PPAT: variants seen among roughly 807,000 people sequenced by gnomAD.
The protein encoded by PPAT is amidophosphoribosyltransferase.
In PPAT, 20 loss-of-function variants were observed where a neutral mutation model predicts 60.2. That is an observed-to-expected ratio of 0.33 (90% CI 0.23 to 0.48). The LOEUF is 0.48. Among genes scored for constraint, PPAT ranks in the 20% least tolerant of loss-of-function variants. The pLI, the probability that PPAT is intolerant of heterozygous loss-of-function variation, is 0.99. For synonymous variants in PPAT, 194 were observed against 215.1 expected, an observed-to-expected ratio of 0.90 and a Z score of 0.86; for missense variants, 349 against 629.6, an observed-to-expected ratio of 0.55 and a Z score of 4.77.
rs969141722 is a variant in PPAT, at chr4:56,409,795, T to G, written c.129-2079A>C. Among the ~76,000 whole-genome samples the G allele has an allele frequency of 3.3e-5, 5 of 152,230 alleles. No individual in the cohort carries two copies. The East Asian group carries it at 9.6e-4, about 29-fold the overall frequency. On this transcript the variant is annotated intron_variant, in intron 1 of 10. Coordinates refer to ENST00000264220, the MANE Select transcript of PPAT (RefSeq NM_002703.5). ...CCTCTTCCATATGTGCCTGTAGACT[T>G]TAGTAGCTGTTAATACATTGATTTA... is the stretch of plus-strand genomic sequence containing the variant.
chr4:56,400,928 A>C lies in PPAT; in HGVS notation c.887-17T>G. On this transcript the variant is annotated splice_polypyrimidine_tract_variant and intron_variant, in intron 7 of 10. Coordinates refer to ENST00000264220, the MANE Select transcript of PPAT (RefSeq NM_002703.5). ...CCATTTGGTCTGGTGTGTTTGGAAA[A>C]GGAGAGAGAGTATTTTTACTTAGCA... The C allele has an allele frequency of 6.2e-7, 1 of 1,600,730 alleles. No individual in the cohort carries two copies. The highest frequency in any genetic ancestry group is 1.7e-4 in the Middle Eastern group (1 of 6,038).
chr4:56,407,081 T>TA (rs1716258669), intron 2 of PPAT, among the ~76,000 whole-genome samples: 1 of 152,136 alleles, frequency 6.6e-6, no homozygotes, highest in Non-Finnish European at 1.5e-5. Context: ...AAATTTGCAT[T>TA]AAAAAAATCA....
chr4:56,407,077 G>A (rs1716258522), intron 2 of PPAT, among the ~76,000 whole-genome samples: 1 of 152,014 alleles, frequency 6.6e-6, no homozygotes, highest in Admixed American at 6.6e-5. Flanking sequence ...ACTAAAATTT[G>A]CATTAAAAAA....
At chr4:56,416,915 T>C (rs1025873876) in intron 1 of PPAT, among the ~76,000 whole-genome samples, 3 of 152,180 alleles carry the variant, frequency 2.0e-5, no homozygotes, top group Non-Finnish European at 4.4e-5. Context: ...AGTGTCATGA[T>C]CCCAGCTCAC....
intron 3 of PPAT, among the ~76,000 whole-genome samples, chr4:56,404,692 T>C (rs568520216): frequency 1.3e-5 from 2 of 152,352 alleles, no homozygotes; most frequent in Admixed American, 1.3e-4. Flanking sequence ...TCTGAATTTT[T>C]AAATGAACTA....
intron 1 of PPAT, chr4:56,425,231 T>C (rs1717227202): frequency 6.5e-6 from 1 of 152,844 alleles, no homozygotes; most frequent in South Asian, 2.1e-4. Flanking sequence ...TAATTTTCCT[T>C]AAACCTGGAA....
At chr4:56,401,574 C>T in intron 6 of PPAT, 93 bp from the exon 7 acceptor site, 5 of 1,133,364 alleles carry the variant, frequency 4.4e-6, no homozygotes, top group Non-Finnish European at 6.3e-6. Flanking sequence ...GAGTACCTTC[C>T]CTTAGAGAAA....
At chr4:56,435,230 G>T in intron 1 of PPAT, 120 bp downstream of exon 1, 1 of 1,446,282 alleles carries the variant, frequency 6.9e-7, no homozygotes. Context: ...GGCAGGTACT[G>T]GCTTAGGTCG....
intron 1 of PPAT, among the ~76,000 whole-genome samples, chr4:56,430,606 T>C (rs1173795579): frequency 6.6e-6 from 1 of 152,044 alleles, no homozygotes; most frequent in Non-Finnish European, 1.5e-5. Flanking sequence ...TTATAACCTT[T>C]TATCTCAAGT....
chr4:56,398,023 A>C (rs1716021466), intron 9 of PPAT, among the ~76,000 whole-genome samples: 1 of 151,688 alleles, frequency 6.6e-6, no homozygotes, highest in Non-Finnish European at 1.5e-5. Flanking sequence ...ACCAGGTGAC[A>C]CAGTGAGTCC....
In PPAT at chr4:56,435,492, C is replaced by T. The variant is rs765989683; in HGVS notation, c.-15G>A. 1 of 1,613,012 alleles carries T rather than the reference C, an allele frequency of 6.2e-7. No individual in the cohort carries two copies. Among genetic ancestry groups the T allele is most frequent in the Non-Finnish European group, 8.5e-7 (1 of 1,179,948 alleles). On this transcript the variant is annotated 5_prime_UTR_variant, in exon 1 of 11. Transcript: ENST00000264220. ...TCCAGCTCCATGTCGCCGCCGAAAG[C>T]ACGTGGAAGGACCTGCCGCTGCGGC...
At chr4:56,404,180 CT>C (rs1716187889) in intron 3 of PPAT, 1 of 279,452 alleles carries the variant, frequency 3.6e-6, no homozygotes, top group Admixed American at 3.7e-5. Flanking sequence ...CTTTTGAATA[CT>C]AAATCTGAAG....
In PPAT at chr4:56,419,343, G is replaced by GT. The variant is rs573629195; in HGVS notation, c.129-11628dup. ...GACATACACCCTACATACTAAAGGAGTGGTATGGAAGAGAAAAAAAAGGTA... is the reference window on the plus strand; with the variant it reads ...GACATACACCCTACATACTAAAGGAGTTGGTATGGAAGAGAAAAAAAAGGTA... On this transcript the variant is annotated intron_variant, in intron 1 of 10. Coordinates refer to ENST00000264220, the MANE Select transcript of PPAT (RefSeq NM_002703.5). Among the ~76,000 whole-genome samples, 45 of 152,094 alleles carry GT rather than the reference G, an allele frequency of 3.0e-4. No homozygotes were observed. In the East Asian group the frequency reaches 7.3e-3, roughly 25 times the overall value.
chr4:56,413,799 A>G (rs191146581), intron 1 of PPAT, among the ~76,000 whole-genome samples: 6 of 152,242 alleles, frequency 3.9e-5, no homozygotes, highest in African/African-American at 1.4e-4. Flanking sequence ...TGGGAGGCTG[A>G]GACAGGAGAA....
In PPAT at chr4:56,401,497, TAAAG is replaced by T; in HGVS notation, c.735-20_735-17del. 6.4e-7 allele frequency: 1 copy of T among 1,572,782 alleles called. No individual in the cohort carries two copies. The highest frequency in any genetic ancestry group is 8.6e-7 in the Non-Finnish European group (1 of 1,156,912). ...ACGGTAATATCTTGGGAAACAATGT[TAAAG>T]AAAGAAGACTTTTAATAAACTAGTC... is the stretch of plus-strand genomic sequence containing the variant. On this transcript the variant is annotated splice_polypyrimidine_tract_variant and intron_variant, in intron 6 of 10. Transcript: ENST00000264220.
At chr4:56,413,756 G>T (rs977422964) in intron 1 of PPAT, among the ~76,000 whole-genome samples, 1 of 152,028 alleles carries the variant, frequency 6.6e-6, no homozygotes, top group Non-Finnish European at 1.5e-5. Context: ...AATTTGCTGG[G>T]CTTGGTGGTG....
At chr4:56,428,117 C>T (rs1039616140) in intron 1 of PPAT, among the ~76,000 whole-genome samples, 1 of 152,164 alleles carries the variant, frequency 6.6e-6, no homozygotes, top group East Asian at 1.9e-4. Flanking sequence ...CACAAAATTT[C>T]TTTTGACTCA....
intron 1 of PPAT, among the ~76,000 whole-genome samples, chr4:56,417,701 C>T (rs1378148033): frequency 2.6e-5 from 4 of 152,036 alleles, no homozygotes; most frequent in Non-Finnish European, 4.4e-5. Flanking sequence ...CAGGAAGGCT[C>T]ACTTGAGCCC....
intron 8 of PPAT, 113 bp from the exon 9 acceptor site, chr4:56,399,513 C>T: frequency 1.1e-6 from 1 of 901,868 alleles, no homozygotes; most frequent in Non-Finnish European, 1.6e-6. Flanking sequence ...AATAATTTTC[C>T]TTTATTATTT....
Sources: allele counts gnomAD v4.1 joint callset (sites outside exome capture counted in the v4.1 genomes callset), GRCh38; gene constraint gnomAD v4.1.1; transcripts MANE v1.5; gene names NCBI Gene and HGNC (gene_info 2026-07-23, HGNC 2026-07-21).